Variants in OSBP observed in about 807,000 individuals in gnomAD.
OSBP encodes the protein oxysterol binding protein, also known as oxysterol-binding protein 1.
A neutral mutation model predicts 96.6 loss-of-function variants in OSBP; 32 were observed. The ratio of observed to expected loss-of-function variants is 0.33; its 90% CI spans 0.25 to 0.45. OSBP has a LOEUF of 0.45. OSBP is among the 20% of genes least tolerant of loss of function. The pLI, the probability that OSBP is intolerant of heterozygous loss-of-function variation, is 1.00. For missense variants in OSBP, 653 were observed against 1,029.7 expected (o/e 0.63, Z 5.01); for synonymous variants, 369 against 389.6 (o/e 0.95, Z 0.62).
intron 1 of OSBP, among the ~76,000 whole-genome samples, chr11:59,611,195 TA>T (rs1860842580): frequency 6.7e-6 from 1 of 149,830 alleles, no homozygotes; most frequent in South Asian, 2.1e-4. Flanking sequence ...TACTGAGGTA[TA>T]ACTACATGCA....
chr11:59,615,741 G>C lies in OSBP; in HGVS notation c.-77C>G, dbSNP rs1301568187. On this transcript the variant is annotated 5_prime_UTR_variant, in exon 1 of 14. Transcript: ENST00000263847. ...GTCGCCGCCCGGAGCGCCCCACACGGCTACCGCATCAGCCACCGCCGCGCA... is the reference window on the plus strand; with the variant it reads ...GTCGCCGCCCGGAGCGCCCCACACGCCTACCGCATCAGCCACCGCCGCGCA... The C allele has an allele frequency of 8.9e-6, 11 of 1,230,858 alleles. No homozygotes were observed. Among genetic ancestry groups the C allele is most frequent in the Non-Finnish European group, 1.1e-5 (11 of 984,512 alleles). The allele number at this position is 1,230,858 out of a possible 1,614,324, so 76.2% of individuals were successfully genotyped here.
rs748443015 is a variant in OSBP at position 59,582,458 on chromosome 11, CA to C, written c.1679-905del. 3.3e-5 allele frequency among the ~76,000 whole-genome samples: 5 copies of C among 152,288 alleles called. No homozygotes were observed. In the South Asian group the frequency reaches 6.2e-4, roughly 19 times the overall value. ...GTGATGTGCCCTGATCCCATGGAGA[CA>C]GGGCACAATGCTCTGTGTTCAGGAC... On this transcript the variant is annotated intron_variant, in intron 9 of 13. Coordinates refer to ENST00000263847, the MANE Select transcript of OSBP (RefSeq NM_002556.3).
intron 3 of OSBP, 106 bp from the exon 4 acceptor site, chr11:59,601,944 A>G: frequency 1.1e-6 from 1 of 913,974 alleles, no homozygotes; most frequent in Non-Finnish European, 1.7e-6. Flanking sequence ...TTAACTGGCA[A>G]ATTACAATGA....
At position 59,576,791 on chromosome 11, in the gene OSBP, G is replaced by A. The variant is rs1212898709; in HGVS notation, c.2281+14C>T. ...CATGCATCAAGAAAGAAGAGTAGAAGGGAAGTTCATTACCATCCTCTGTGG... is the reference window on the plus strand; with the variant it reads ...CATGCATCAAGAAAGAAGAGTAGAAAGGAAGTTCATTACCATCCTCTGTGG... On this transcript the variant is annotated intron_variant, in intron 13 of 13. Transcript: ENST00000263847. 7 of 1,613,320 alleles carry A rather than the reference G, an allele frequency of 4.3e-6. No homozygotes were observed. The highest frequency in any genetic ancestry group is 4.0e-5 in the African/African-American group (3 of 74,760).
At chr11:59,588,182 T>C (rs1016180675) in intron 9 of OSBP, among the ~76,000 whole-genome samples, 1 of 152,120 alleles carries the variant, frequency 6.6e-6, no homozygotes, top group Non-Finnish European at 1.5e-5. Flanking sequence ...ATTAAAGTAG[T>C]TAAAATAGAG....
chr11:59,584,130 A>C (rs1156819863), intron 9 of OSBP, among the ~76,000 whole-genome samples: 1 of 151,574 alleles, frequency 6.6e-6, no homozygotes, highest in East Asian at 1.9e-4. Context: ...TATTTTTTGT[A>C]GACACAGGGT....
chr11:59,580,228 C>T lies in OSBP; in HGVS notation c.1824G>A (p.Lys608=), dbSNP rs1355355300. The T allele has an allele frequency of 2.5e-6, 4 of 1,613,334 alleles. No homozygotes were observed. The highest frequency in any genetic ancestry group is 3.3e-5 in the Admixed American group (2 of 60,002). The stretch of plus-strand genomic sequence containing the variant: ...TATAAGGAACAAATTTAAGATTACA[C>T]TTGTCTCCTGTCTTGTGATTCACAA... ...IDIVNHKTGD[K]CNLKFVPYSY... The change falls in exon 11 of 14, where the codon AAG becomes AAA. Residue 608 remains lysine, a synonymous_variant. Coordinates refer to ENST00000263847, the MANE Select transcript of OSBP (RefSeq NM_002556.3).
rs1054509626 is a variant in OSBP, at chr11:59,598,196, C to T, written c.1311+2300G>A. ...TTTTCCAAGACCCAGTTAATTACTT[C>T]GACATTTGCTAAATGATTTATACAT... On this transcript the variant is annotated intron_variant, in intron 7 of 13. Coordinates refer to ENST00000263847, the MANE Select transcript of OSBP (RefSeq NM_002556.3). Among the ~76,000 whole-genome samples the T allele has an allele frequency of 3.9e-5, 6 of 152,138 alleles. No individual in the cohort carries two copies. The South Asian group carries it at 6.2e-4, about 16-fold the overall frequency.
In OSBP at chr11:59,615,503, C is replaced by T. The variant is rs907696917; in HGVS notation, c.162G>A (p.Ala54=). 1.2e-5 allele frequency: 14 copies of T among 1,216,290 alleles called. No homozygotes were observed. The African/African-American group carries it at 1.9e-4, about 17-fold the overall frequency. The allele number at this position is 1,216,290 out of a possible 1,614,324, so 75.3% of individuals were successfully genotyped here. The change falls in exon 1 of 14, where the codon GCG becomes GCA. Residue 54 remains alanine (A), a synonymous_variant. Transcript: ENST00000263847. The part of the protein sequence containing the change: ...GAASGTVVAA[A]AGGPGPGAGG... ...CGGCCCCCGGGCCCGGGCCTCCCGC[C>T]GCCGCCGCGACCACCGTCCCTGACG...
rs1860714349 is a variant in OSBP at position 59,600,832 on chromosome 11, CTGA to C, written c.1163_1165del (p.Ile388del). Reference sequence around the variant, plus strand: ...TATAAGAATTACCTGTTCATCAAGGCTGATGTCACTGCTGGCTCCACTGATATT... The same window carrying C: ...TATAAGAATTACCTGTTCATCAAGGCTGTCACTGCTGGCTCCACTGATATT... On this transcript the variant is annotated inframe_deletion, in exon 6 of 14. Transcript: ENST00000263847. The C allele has an allele frequency of 6.2e-7, 1 of 1,613,370 alleles. No homozygotes were observed. The highest frequency in any genetic ancestry group is 1.7e-5 in the Admixed American group (1 of 59,972).
In OSBP at chr11:59,615,772, C is replaced by G; in HGVS notation, c.-108G>C. The stretch of plus-strand genomic sequence containing the variant: ...GCATCAGCCACCGCCGCGCAGCGTC[C>G]CCGCCCCGCCCGGCCAGCCGCGGGG... On this transcript the variant is annotated 5_prime_UTR_variant, in exon 1 of 14. Coordinates refer to ENST00000263847, the MANE Select transcript of OSBP (RefSeq NM_002556.3). The G allele has an allele frequency of 1.7e-6, 2 of 1,207,922 alleles. No individual in the cohort carries two copies. Among genetic ancestry groups the G allele is most frequent in the Admixed American group, 4.4e-5 (1 of 22,618 alleles). 74.8% of individuals were successfully genotyped at this position (1,207,922 alleles called of 1,614,324 possible). A position where few individuals can be genotyped will look rare whatever the true frequency, so the allele number is the denominator to read the frequency against.
Position 59,576,573 on chromosome 11 carries a change from C to T in OSBP, c.*4G>A, listed in dbSNP as rs771916495. The T allele has an allele frequency of 1.5e-5, 24 of 1,609,182 alleles. No homozygotes were observed. The highest frequency in any genetic ancestry group is 1.1e-4 in the East Asian group (5 of 44,860). The stretch of plus-strand genomic sequence containing the variant: ...ATATGCTCCTCTTTTTTGTTACTGC[C>T]GTTTCAGAAAATGTCCGGGCATGAG... On this transcript the variant is annotated 3_prime_UTR_variant, in exon 14 of 14. Coordinates refer to ENST00000263847, the MANE Select transcript of OSBP (RefSeq NM_002556.3).
Position 59,615,722 on chromosome 11 carries a change from G to T in OSBP, c.-58C>A, listed in dbSNP as rs1253877232. ...ACCGCCTACGAGAGCCGCCGTCGCC[G>T]CCCGGAGCGCCCCACACGGCTACCG... On this transcript the variant is annotated 5_prime_UTR_variant, in exon 1 of 14. Coordinates refer to ENST00000263847, the MANE Select transcript of OSBP (RefSeq NM_002556.3). The T allele has an allele frequency of 7.2e-6, 9 of 1,248,384 alleles. No homozygotes were observed. Among genetic ancestry groups the T allele is most frequent in the African/African-American group, 3.1e-5 (2 of 63,900 alleles). The allele number at this position is 1,248,384 out of a possible 1,614,324, so 77.3% of individuals were successfully genotyped here.
chr11:59,584,075 A>C (rs1035095294), intron 9 of OSBP, among the ~76,000 whole-genome samples: 7 of 151,208 alleles, frequency 4.6e-5, no homozygotes, highest in African/African-American at 1.7e-4. Flanking sequence ...CCTCCCAAGT[A>C]GCTGGGACTA....
intron 3 of OSBP, among the ~76,000 whole-genome samples, chr11:59,605,741 G>T (rs1250536633): frequency 6.6e-6 from 1 of 152,172 alleles, no homozygotes; most frequent in Non-Finnish European, 1.5e-5. Flanking sequence ...ACAATCATAT[G>T]TCAGGCACTT....
At chr11:59,592,006 G>C (rs1860590108) in intron 9 of OSBP, among the ~76,000 whole-genome samples, 1 of 152,102 alleles carries the variant, frequency 6.6e-6, no homozygotes, top group South Asian at 2.1e-4. Flanking sequence ...ACCACCCATG[G>C]AATGAAATAT....
chr11:59,603,489 T>G (rs2134671682), intron 3 of OSBP, among the ~76,000 whole-genome samples: 1 of 151,736 alleles, frequency 6.6e-6, no homozygotes, highest in South Asian at 2.1e-4. Context: ...TCAAAGTAAC[T>G]TCAAAATTAA....
In OSBP at chr11:59,580,386, T is replaced by G. The variant is rs909991489; in HGVS notation, c.1783-117A>C. 5.6e-6 allele frequency: 4 copies of G among 710,304 alleles called. No homozygotes were observed. The Admixed American group carries it at 7.4e-5, about 13-fold the overall frequency. 44.0% of individuals were successfully genotyped at this position (710,304 alleles called of 1,614,324 possible). A position where few individuals can be genotyped will look rare whatever the true frequency, so the allele number is the denominator to read the frequency against. On this transcript the variant is annotated intron_variant, in intron 10 of 13. Transcript: ENST00000263847. ...CATTCTAGTAATCCCTTGTTTAAGA[T>G]TCAGATCTTAGCTAGCCTTGGGAAT...
At chr11:59,607,952 G>C (rs912790655) in intron 3 of OSBP, among the ~76,000 whole-genome samples, 1 of 152,164 alleles carries the variant, frequency 6.6e-6, no homozygotes, top group Admixed American at 6.5e-5. Context: ...GGAATAACTA[G>C]TACTATAAGG....
Sources: allele counts gnomAD v4.1 joint callset (sites outside exome capture counted in the v4.1 genomes callset), GRCh38; gene constraint gnomAD v4.1.1; transcripts MANE v1.5; gene names NCBI Gene and HGNC (gene_info 2026-07-23, HGNC 2026-07-21).